The following LRRC14 variants were observed in gnomAD, a reference collection of about 807,000 sequenced individuals.
The protein encoded by LRRC14 is leucine rich repeat containing 14, also known as leucine-rich repeat-containing protein 14.
LRRC14 carries 16 observed loss-of-function variants against 25.3 expected under a neutral mutation model. The ratio of observed to expected loss-of-function variants is 0.63; its 90% CI spans 0.43 to 0.96. LRRC14 has a LOEUF of 0.96. Among genes scored for constraint, LRRC14 ranks in the 40% least tolerant of loss-of-function variants. The probability of loss-of-function intolerance (pLI) is 0.00; values close to 1 mark genes in which losing one functional copy is unlikely to be tolerated. For synonymous variants in LRRC14, 359 were observed against 295.1 expected (o/e 1.22, Z -2.22); for missense variants, 594 against 660.5 (o/e 0.90, Z 1.10).
rs984004076 is a variant in LRRC14 at position 144,521,881 on chromosome 8, G to A, written c.*403G>A. 3 of 200,510 alleles carry A rather than the reference G, an allele frequency of 1.5e-5. No homozygotes were observed. The highest frequency in any genetic ancestry group is 3.1e-5 in the Non-Finnish European group (3 of 97,956). 12.4% of individuals were successfully genotyped at this position (200,510 alleles called of 1,614,324 possible). A position where few individuals can be genotyped will look rare whatever the true frequency, so the allele number is the denominator to read the frequency against. Reference sequence around the variant, plus strand: ...GCTCAGTGCTTCTGGGGTTGAAGTTGGACAGAGGCCTGCTTCAGGGAAGCT... The same window carrying A: ...GCTCAGTGCTTCTGGGGTTGAAGTTAGACAGAGGCCTGCTTCAGGGAAGCT... On this transcript the variant is annotated 3_prime_UTR_variant, in exon 4 of 4. Transcript: ENST00000292524.
In LRRC14 at chr8:144,521,007, C is replaced by A. The variant is rs751142248; in HGVS notation, c.1011C>A (p.His337Gln). 7.4e-6 allele frequency: 12 copies of A among 1,613,160 alleles called. No homozygotes were observed. Among genetic ancestry groups the A allele is most frequent in the Admixed American group, 1.7e-5 (1 of 60,028 alleles). The change falls in exon 4 of 4, where the codon CAC (histidine) becomes CAA (glutamine). Residue 337 changes from histidine (H) to glutamine (Q), a missense_variant. Physicochemically the swap from His to Gln is conservative, Grantham distance 24 (BLOSUM62 0). Transcript: ENST00000292524. ...RFLARSPHAA[H>Q]LKKLDLSGND... ...TGGCACGGAGCCCACATGCTGCCCA[C>A]CTCAAGAAGTTGGACCTGAGTGGTA...
In LRRC14 at chr8:144,521,340, G is replaced by A; in HGVS notation, c.1344G>A (p.Leu448=). The change falls in exon 4 of 4, where the codon CTG becomes CTA. Residue 448 remains leucine, a synonymous_variant. Coordinates refer to ENST00000292524, the MANE Select transcript of LRRC14 (RefSeq NM_014665.4). ...LPWPPPASVL[L]EASINEEKFA... is the part of the protein sequence containing the mutation. ...GGCCGCCGCCTGCCTCTGTCCTGCT[G>A]GAGGCCTCCATCAATGAGGAGAAGT... 1.9e-6 allele frequency: 3 copies of A among 1,613,048 alleles called. No individual in the cohort carries two copies. The South Asian group carries it at 3.3e-5, about 18-fold the overall frequency.
chr8:144,521,573 A>G lies in LRRC14; in HGVS notation c.*95A>G, dbSNP rs1277292467. 8.1e-7 allele frequency: 1 copy of G among 1,237,878 alleles called. No homozygotes were observed. The highest frequency in any genetic ancestry group is 1.5e-5 in the African/African-American group (1 of 66,074). 76.7% of individuals were successfully genotyped at this position (1,237,878 alleles called of 1,614,324 possible). On this transcript the variant is annotated 3_prime_UTR_variant, in exon 4 of 4. Coordinates refer to ENST00000292524, the MANE Select transcript of LRRC14 (RefSeq NM_014665.4). The stretch of plus-strand genomic sequence containing the variant: ...CCCTGGTGGAGGCCTTCACAAAAGC[A>G]CTGGTTACTGGTTTCCTGCTGGGTC...
rs1195577864 is a variant in LRRC14 at position 144,519,701 on chromosome 8, G to A, written c.-25G>A. On this transcript the variant is annotated 5_prime_UTR_variant, in exon 2 of 4. It adds an upstream start codon to the 5' untranslated region. Transcript: ENST00000292524. Reference sequence around the variant, plus strand: ...CCCTGCTGAAGTCCCTCTCCTGCAGGTGGCCGTCTGCCCGGCCCAGCACCA... The same window carrying A: ...CCCTGCTGAAGTCCCTCTCCTGCAGATGGCCGTCTGCCCGGCCCAGCACCA... The A allele has an allele frequency of 6.3e-7, 1 of 1,577,682 alleles. No homozygotes were observed. The highest frequency in any genetic ancestry group is 8.6e-7 in the Non-Finnish European group (1 of 1,160,858).
Position 144,521,089 on chromosome 8 carries a change from G to C in LRRC14, c.1093G>C (p.Ala365Pro), listed in dbSNP as rs1233315670. 1.2e-6 allele frequency: 2 copies of C among 1,612,964 alleles called. No individual in the cohort carries two copies. The highest frequency in any genetic ancestry group is 3.3e-5 in the Admixed American group (2 of 60,006). The stretch of plus-strand genomic sequence containing the variant: ...CCAGGGTCTGTTGCAGGCATCAGCA[G>C]CCACACTGTTGCATCTGGAGCTGAC... ...PFQGLLQASA[A>P]TLLHLELTEC... Residue 365 changes from alanine (A) to proline (P), a missense_variant, in exon 4 of 4, where the codon GCC becomes CCC. Transcript: ENST00000292524.
chr8:144,522,964 G>T lies in LRRC14; in HGVS notation c.*1486G>T. ...GCCGGAAGGGCACGCGGGCAGCGCCGCCGGCGTTGGAGGCCTCGCACTCGT... is the reference window on the plus strand; with the variant it reads ...GCCGGAAGGGCACGCGGGCAGCGCCTCCGGCGTTGGAGGCCTCGCACTCGT... On this transcript the variant is annotated 3_prime_UTR_variant, in exon 4 of 4. Coordinates refer to ENST00000292524, the MANE Select transcript of LRRC14 (RefSeq NM_014665.4). 6.3e-7 allele frequency: 1 copy of T among 1,579,182 alleles called. No homozygotes were observed. Among genetic ancestry groups the T allele is most frequent in the South Asian group, 1.1e-5 (1 of 89,230 alleles).
At position 144,521,386 on chromosome 8, in the gene LRRC14, T is replaced by G. The variant is rs1816041700; in HGVS notation, c.1390T>G (p.Leu464Val). The G allele has an allele frequency of 6.2e-7, 1 of 1,612,108 alleles. No individual in the cohort carries two copies. The highest frequency in any genetic ancestry group is 1.1e-5 in the South Asian group (1 of 91,092). ...EEKFARVEAE[L>V]HQLLLASGRA... is the part of the protein sequence containing the mutation. Reference sequence around the variant, plus strand: ...GAAGTTTGCCCGCGTAGAAGCTGAGTTGCACCAGCTGCTTCTAGCCTCAGG... The same window carrying G: ...GAAGTTTGCCCGCGTAGAAGCTGAGGTGCACCAGCTGCTTCTAGCCTCAGG... Residue 464 changes from leucine to valine, a missense_variant, in exon 4 of 4, where the codon TTG becomes GTG. Physicochemically the swap from Leu to Val is conservative, Grantham distance 32. Coordinates refer to ENST00000292524, the MANE Select transcript of LRRC14 (RefSeq NM_014665.4).
rs546623578 is a variant in LRRC14 at position 144,523,336 on chromosome 8, G to A, written c.*1858G>A. On this transcript the variant is annotated 3_prime_UTR_variant, in exon 4 of 4. Transcript: ENST00000292524. Reference sequence around the variant, plus strand: ...ACATGATCTTCCTGTCCCTGGAGGTGAGCAGCCGCTGGCCGCCCTCCTTGA... The same window carrying A: ...ACATGATCTTCCTGTCCCTGGAGGTAAGCAGCCGCTGGCCGCCCTCCTTGA... The A allele has an allele frequency of 1.9e-6, 3 of 1,592,518 alleles. No individual in the cohort carries two copies. The highest frequency in any genetic ancestry group is 1.1e-5 in the South Asian group (1 of 89,682).
rs542469175 is a variant in LRRC14, at chr8:144,521,493, G to T, written c.*15G>T. 9.6e-5 allele frequency: 153 copies of T among 1,586,510 alleles called. No individual in the cohort carries two copies. Among genetic ancestry groups the T allele is most frequent in the South Asian group, 6.3e-4 (57 of 90,150 alleles). On this transcript the variant is annotated 3_prime_UTR_variant, in exon 4 of 4. Transcript: ENST00000292524. The stretch of plus-strand genomic sequence containing the variant: ...TCAGCCTATGATGAAGTAGCTCTGG[G>T]TGAGACACAGGCCGCCCTGCAGTCT...
rs913221288 is a variant in LRRC14, at chr8:144,522,240, C to CG, written c.*762_*763insG. 8 of 519,322 alleles carry CG rather than the reference C, an allele frequency of 1.5e-5. No homozygotes were observed. The highest frequency in any genetic ancestry group is 7.9e-5 in the African/African-American group (4 of 50,356). 32.2% of individuals were successfully genotyped at this position (519,322 alleles called of 1,614,324 possible). A position where few individuals can be genotyped will look rare whatever the true frequency, so the allele number is the denominator to read the frequency against. On this transcript the variant is annotated 3_prime_UTR_variant, in exon 4 of 4. Transcript: ENST00000292524. Reference sequence around the variant, plus strand: ...CGGCCAGGGCCAGCGAGGGACCCCCCCCATGCAGAGCTGGAGGTTGGGGTG... The same window carrying CG: ...CGGCCAGGGCCAGCGAGGGACCCCCCGCCATGCAGAGCTGGAGGTTGGGGTG...
chr8:144,524,128 G>A lies in LRRC14; in HGVS notation c.*2650G>A. 1.2e-6 allele frequency: 2 copies of A among 1,603,838 alleles called. No individual in the cohort carries two copies. Among genetic ancestry groups the A allele is most frequent in the Non-Finnish European group, 1.7e-6 (2 of 1,173,272 alleles). ...GAGGTACCTGTGAGGCGCAGGACTT[G>A]CAGACTGGCCAGGGGCTGCAGGGCC... is the stretch of plus-strand genomic sequence containing the variant. On this transcript the variant is annotated 3_prime_UTR_variant, in exon 4 of 4. Coordinates refer to ENST00000292524, the MANE Select transcript of LRRC14 (RefSeq NM_014665.4).
In LRRC14 at chr8:144,524,617, C is replaced by A; in HGVS notation, c.*3139C>A. ...GCGCGGAAGGCGCCGGCCTCCAGGG[C>A]GCGCAGGCTGTTGTTGTGCAGGTAG... On this transcript the variant is annotated 3_prime_UTR_variant, in exon 4 of 4. Transcript: ENST00000292524. 1 of 1,524,152 alleles carries A rather than the reference C, an allele frequency of 6.6e-7. No homozygotes were observed. The allele number at this position is 1,524,152 out of a possible 1,614,324, so 94.4% of individuals were successfully genotyped here.
In LRRC14 at chr8:144,522,115, A is replaced by ATCCAGCC. The variant is rs1816108870; in HGVS notation, c.*639_*645dup. ...ACATGGCCACCCGGCAACAACTGCCATCCAGCCTGTCGCCCCGCCCTTCGC... is the reference window on the plus strand; with the variant it reads ...ACATGGCCACCCGGCAACAACTGCCATCCAGCCTCCAGCCTGTCGCCCCGCCCTTCGC... On this transcript the variant is annotated 3_prime_UTR_variant, in exon 4 of 4. Coordinates refer to ENST00000292524, the MANE Select transcript of LRRC14 (RefSeq NM_014665.4). 3.6e-6 allele frequency: 1 copy of ATCCAGCC among 275,644 alleles called. No individual in the cohort carries two copies. Among genetic ancestry groups the ATCCAGCC allele is most frequent in the South Asian group, 1.2e-4 (1 of 8,312 alleles). The allele number at this position is 275,644 out of a possible 1,614,324, so 17.1% of individuals were successfully genotyped here. A position where few individuals can be genotyped will look rare whatever the true frequency, so the allele number is the denominator to read the frequency against.
In LRRC14 at chr8:144,522,112, G is replaced by A. The variant is rs748621176; in HGVS notation, c.*634G>A. On this transcript the variant is annotated 3_prime_UTR_variant, in exon 4 of 4. Coordinates refer to ENST00000292524, the MANE Select transcript of LRRC14 (RefSeq NM_014665.4). ...CCAACATGGCCACCCGGCAACAACTGCCATCCAGCCTGTCGCCCCGCCCTT... is the reference window on the plus strand; with the variant it reads ...CCAACATGGCCACCCGGCAACAACTACCATCCAGCCTGTCGCCCCGCCCTT... The A allele has an allele frequency of 6.2e-5, 17 of 274,042 alleles. No homozygotes were observed. Among genetic ancestry groups the A allele is most frequent in the Non-Finnish European group, 1.0e-4 (15 of 145,820 alleles). 17.0% of individuals were successfully genotyped at this position (274,042 alleles called of 1,614,324 possible).
rs576669480 is a variant in LRRC14, at chr8:144,522,448, G to C, written c.*970G>C. The C allele has an allele frequency of 1.7e-4, 243 of 1,392,678 alleles. 1 individual carries two copies. Among genetic ancestry groups the C allele is most frequent in the East Asian group, 3.6e-4 (12 of 33,430 alleles). 86.3% of individuals were successfully genotyped at this position (1,392,678 alleles called of 1,614,324 possible). ...GAGGCCGCACCGGCCAATCTCCGGCGCCCACGTCATCCGCGCGCCCGCGGC... is the reference window on the plus strand; with the variant it reads ...GAGGCCGCACCGGCCAATCTCCGGCCCCCACGTCATCCGCGCGCCCGCGGC... On this transcript the variant is annotated 3_prime_UTR_variant, in exon 4 of 4. Coordinates refer to ENST00000292524, the MANE Select transcript of LRRC14 (RefSeq NM_014665.4).
Position 144,524,704 on chromosome 8 carries a change from C to T in LRRC14, c.*3226C>T, listed in dbSNP as rs1409145156. 17 of 1,459,494 alleles carry T rather than the reference C, an allele frequency of 1.2e-5. No individual in the cohort carries two copies. Among genetic ancestry groups the T allele is most frequent in the Non-Finnish European group, 1.5e-5 (17 of 1,114,990 alleles). The allele number at this position is 1,459,494 out of a possible 1,614,324, so 90.4% of individuals were successfully genotyped here. ...GGCTCTAGGCGGGCGATGTTGTTGT[C>T]CTGCAGGAACAGTGTCTGCAGGCCG... On this transcript the variant is annotated 3_prime_UTR_variant, in exon 4 of 4. Transcript: ENST00000292524.
Position 144,523,410 on chromosome 8 carries a change from CTG to C in LRRC14, c.*1935_*1936del. On this transcript the variant is annotated 3_prime_UTR_variant, in exon 4 of 4. Transcript: ENST00000292524. ...GCGCAGTCACAGCGCCATGGGTTCT[CTG>C]TGGGAGAGCAGCGTTAGGCAGGTGG... is the stretch of plus-strand genomic sequence containing the variant. 1 of 1,524,494 alleles carries C rather than the reference CTG, an allele frequency of 6.6e-7. No homozygotes were observed. Among genetic ancestry groups the C allele is most frequent in the African/African-American group, 1.4e-5 (1 of 71,996 alleles). The allele number at this position is 1,524,494 out of a possible 1,614,324, so 94.4% of individuals were successfully genotyped here.
chr8:144,520,195 G>A (rs759978108), intron 2 of LRRC14, 43 bp from the exon 3 acceptor site: 4 of 1,589,742 alleles, frequency 2.5e-6, no homozygotes, highest in Admixed American at 1.7e-5. Flanking sequence ...GGGGGTATGG[G>A]CGCTGCCCCT....
At chr8:144,520,116 T>C (rs1815898702) in intron 2 of LRRC14, 62 bp downstream of exon 2, 1 of 1,573,832 alleles carries the variant, frequency 6.4e-7, no homozygotes, top group Non-Finnish European at 8.6e-7. Flanking sequence ...CTGAGGAGGC[T>C]TGGGTCATAA....
Sources: gnomAD v4.1 joint callset for allele counts on GRCh38, gnomAD v4.1.1 for gene constraint, MANE v1.5 for transcripts, NCBI Gene and HGNC (gene_info 2026-07-23, HGNC 2026-07-21) for gene names.